Variants in OXCT1 observed in about 807,000 individuals in gnomAD.
The protein encoded by OXCT1 is succinyl-CoA:3-ketoacid coenzyme A transferase 1, mitochondrial.
A neutral mutation model predicts 69.6 loss-of-function variants in OXCT1; 27 were observed. That is an observed-to-expected ratio of 0.39 (90% CI 0.29 to 0.54). The LOEUF is 0.54. OXCT1 is among the 20% of genes least tolerant of loss of function. The pLI, the probability that OXCT1 is intolerant of heterozygous loss-of-function variation, is 0.72. For missense variants in OXCT1, 437 were observed against 650.2 expected, an observed-to-expected ratio of 0.67 and a Z score of 3.57; for synonymous variants, 202 against 217.8, an observed-to-expected ratio of 0.93 and a Z score of 0.64.
At chr5:41,830,628 G>C (rs1748050970) in intron 7 of OXCT1, among the ~76,000 whole-genome samples, 1 of 152,154 alleles carries the variant, frequency 6.6e-6, no homozygotes, top group Non-Finnish European at 1.5e-5. Flanking sequence ...GAATGAGCCT[G>C]CGTATGGATG....
At chr5:41,803,314 G>A (rs897028646) in intron 9 of OXCT1, 151 bp from the exon 10 acceptor site, 35 of 554,742 alleles carry the variant, frequency 6.3e-5, no homozygotes, top group Middle Eastern at 9.0e-4. Flanking sequence ...CACCCATGGC[G>A]CATTATTTTG....
At chr5:41,852,931 G>GC (rs1448381654) in intron 4 of OXCT1, among the ~76,000 whole-genome samples, 1 of 152,042 alleles carries the variant, frequency 6.6e-6, no homozygotes, top group Non-Finnish European at 1.5e-5. Context: ...GGGCGTGGTG[G>GC]CACATGCCTG....
rs1174443361 is a variant in OXCT1 at position 41,731,021 on chromosome 5, G to A, written c.*708C>T. 1 of 152,242 alleles carries A rather than the reference G, an allele frequency of 6.6e-6. No individual in the cohort carries two copies. The highest frequency in any genetic ancestry group is 1.5e-5 in the Non-Finnish European group (1 of 68,084). The allele number at this position is 152,242 out of a possible 1,614,324, so 9.4% of individuals were successfully genotyped here. A position where few individuals can be genotyped will look rare whatever the true frequency, so the allele number is the denominator to read the frequency against. ...AACAGAAGTATTCTCAAGGACCCTT[G>A]AGGATACAAAGGAATACTGGGCTGT... On this transcript the variant is annotated 3_prime_UTR_variant, in exon 17 of 17. Coordinates refer to ENST00000196371, the MANE Select transcript of OXCT1 (RefSeq NM_000436.4).
At chr5:41,809,516 G>C (rs1281523856) in intron 7 of OXCT1, among the ~76,000 whole-genome samples, 1 of 151,966 alleles carries the variant, frequency 6.6e-6, no homozygotes, top group Admixed American at 6.6e-5. Context: ...AAATAATAAT[G>C]TGAATTATTT....
At chr5:41,738,671 T>C (rs766798287) in intron 16 of OXCT1, among the ~76,000 whole-genome samples, 3 of 152,250 alleles carry the variant, frequency 2.0e-5, no homozygotes, top group Non-Finnish European at 4.4e-5. Context: ...GTTTTACTTT[T>C]GGTTAACTTC....
At chr5:41,780,748 T>A (rs1745356933) in intron 13 of OXCT1, among the ~76,000 whole-genome samples, 1 of 152,172 alleles carries the variant, frequency 6.6e-6, no homozygotes, top group African/African-American at 2.4e-5. Context: ...TATAAAATAA[T>A]GTAACAAATG....
chr5:41,811,538 A>G (rs1274423771), intron 7 of OXCT1, among the ~76,000 whole-genome samples: 2 of 152,170 alleles, frequency 1.3e-5, no homozygotes, highest in East Asian at 3.9e-4. Flanking sequence ...GAAAAAATCC[A>G]AAGGAGCAAG....
At chr5:41,761,005 CT>C (rs1316734619) in intron 14 of OXCT1, among the ~76,000 whole-genome samples, 2 of 152,096 alleles carry the variant, frequency 1.3e-5, no homozygotes, top group African/African-American at 4.8e-5. Flanking sequence ...GGCAAATGAA[CT>C]GTCATTTCCA....
At chr5:41,818,141 G>T (rs571474387) in intron 7 of OXCT1, among the ~76,000 whole-genome samples, 6 of 152,284 alleles carry the variant, frequency 3.9e-5, no homozygotes, top group Non-Finnish European at 8.8e-5. Context: ...GGACTACAGA[G>T]ATGAGTAAGA....
intron 14 of OXCT1, among the ~76,000 whole-genome samples, chr5:41,757,739 A>T (rs1744152122): frequency 6.6e-6 from 1 of 152,120 alleles, no homozygotes; most frequent in African/African-American, 2.4e-5. Context: ...TTACAGAGGT[A>T]GGAATAAGCC....
chr5:41,758,330 G>A (rs1009620337), intron 14 of OXCT1, among the ~76,000 whole-genome samples: 14 of 152,124 alleles, frequency 9.2e-5, no homozygotes, highest in African/African-American at 3.4e-4. Flanking sequence ...ACCAGGTGGA[G>A]TTGTGTAATA....
chr5:41,783,665 G>A (rs1288234001), intron 13 of OXCT1, among the ~76,000 whole-genome samples: 1 of 152,186 alleles, frequency 6.6e-6, no homozygotes, highest in African/African-American at 2.4e-5. Context: ...ATGCAAAGAA[G>A]TCTGCCTTTC....
intron 7 of OXCT1, among the ~76,000 whole-genome samples, chr5:41,816,099 T>A (rs928760589): frequency 6.6e-5 from 10 of 152,164 alleles, no homozygotes; most frequent in African/African-American, 2.2e-4. Flanking sequence ...TGAGGATGAC[T>A]CAACAGTCCC....
chr5:41,861,007 AAGAT>A lies in OXCT1; in HGVS notation c.278+303_278+306del, dbSNP rs1342284494. Among the ~76,000 whole-genome samples, 10 of 152,296 alleles carry A rather than the reference AAGAT, an allele frequency of 6.6e-5. No homozygotes were observed. The East Asian group carries it at 1.7e-3, about 26-fold the overall frequency. ...ATTTTAAAATGCAAGACTTAATTTGAAGATATATATTCTAACTTCAATACATTTT... is the reference window on the plus strand; with the variant it reads ...ATTTTAAAATGCAAGACTTAATTTGAATATATTCTAACTTCAATACATTTT... On this transcript the variant is annotated intron_variant, in intron 3 of 16. Coordinates refer to ENST00000196371, the MANE Select transcript of OXCT1 (RefSeq NM_000436.4).
intron 13 of OXCT1, among the ~76,000 whole-genome samples, chr5:41,792,479 A>C (rs909992962): frequency 6.6e-5 from 10 of 152,226 alleles, no homozygotes; most frequent in Admixed American, 3.3e-4. Context: ...TGGTAGAGTC[A>C]GTGCTAAAAC....
intron 7 of OXCT1, among the ~76,000 whole-genome samples, chr5:41,820,122 C>T (rs1211212594): frequency 6.6e-6 from 1 of 152,024 alleles, no homozygotes; most frequent in Non-Finnish European, 1.5e-5. Flanking sequence ...GTGACATTCC[C>T]ATTAAAATAA....
At chr5:41,809,374 T>G (rs1222947273) in intron 7 of OXCT1, among the ~76,000 whole-genome samples, 2 of 152,046 alleles carry the variant, frequency 1.3e-5, no homozygotes, top group East Asian at 3.9e-4. Flanking sequence ...ATCTCACAAT[T>G]AGTTTGACAT....
At chr5:41,824,200 C>T (rs1344734280) in intron 7 of OXCT1, among the ~76,000 whole-genome samples, 2 of 152,176 alleles carry the variant, frequency 1.3e-5, no homozygotes, top group African/African-American at 2.4e-5. Context: ...TCCTTATCCT[C>T]ATTTGTTCTT....
At position 41,731,577 on chromosome 5, in the gene OXCT1, G is replaced by A; in HGVS notation, c.*152C>T. 2 of 1,133,538 alleles carry A rather than the reference G, an allele frequency of 1.8e-6. No homozygotes were observed. The highest frequency in any genetic ancestry group is 1.3e-6 in the Non-Finnish European group (1 of 794,092). 70.2% of individuals were successfully genotyped at this position (1,133,538 alleles called of 1,614,324 possible). ...ATTAAAATGTCACAGCATGCCTAGA[G>A]AACAGTTTATATGGCTGCATAAAGT... On this transcript the variant is annotated 3_prime_UTR_variant, in exon 17 of 17. Coordinates refer to ENST00000196371, the MANE Select transcript of OXCT1 (RefSeq NM_000436.4).
Sources: allele counts gnomAD v4.1 joint callset (sites outside exome capture counted in the v4.1 genomes callset), GRCh38; gene constraint gnomAD v4.1.1; transcripts MANE v1.5; gene names NCBI Gene and HGNC (gene_info 2026-07-23, HGNC 2026-07-21).